The following WASL variants were observed in gnomAD, a reference collection of about 807,000 sequenced individuals.
The protein encoded by WASL is WASP like actin nucleation promoting factor, also known as actin nucleation-promoting factor WASL.
WASL carries 20 observed loss-of-function variants against 55.5 expected under a neutral mutation model. The ratio of observed to expected loss-of-function variants is 0.36; its 90% CI spans 0.25 to 0.52. The LOEUF (loss-of-function observed/expected upper bound fraction) is 0.52. WASL is among the 20% of genes least tolerant of loss of function. The pLI is 0.92. For missense variants in WASL, 504 were observed against 622.5 expected (o/e 0.81, Z 2.03); for synonymous variants, 249 against 217.6 (o/e 1.14, Z -1.27).
intron 2 of WASL, among the ~76,000 whole-genome samples, chr7:123,707,790 A>G (rs1286481805): frequency 6.6e-6 from 1 of 152,184 alleles, no homozygotes; most frequent in African/African-American, 2.4e-5. Context: ...CACCCCCCAG[A>G]ATCACTGCCA....
intron 5 of WASL, among the ~76,000 whole-genome samples, chr7:123,697,092 T>G (rs2116775289): frequency 6.6e-6 from 1 of 152,120 alleles, no homozygotes; most frequent in East Asian, 1.9e-4. Context: ...AACAGTAAAG[T>G]GAAACATATC....
intron 9 of WASL, among the ~76,000 whole-genome samples, 184 bp downstream of exon 9, chr7:123,692,163 A>G (rs1418014508): frequency 6.6e-6 from 1 of 152,252 alleles, no homozygotes; most frequent in Non-Finnish European, 1.5e-5. Context: ...ATAGAGATGT[A>G]TCAAAGCTGA....
intron 1 of WASL, among the ~76,000 whole-genome samples, chr7:123,733,923 A>C (rs1804183220): frequency 6.6e-6 from 1 of 151,844 alleles, no homozygotes; most frequent in Non-Finnish European, 1.5e-5. Flanking sequence ...CAAAAAAAAA[A>C]AAAAAAAAAA....
In WASL at chr7:123,748,820, GGGAGAAGT is replaced by G. The variant is rs1305296896; in HGVS notation, c.-94_-87del. Reference sequence around the variant, plus strand: ...GTTCCCCCTCTCGGTGACAGGGGCGGGGAGAAGTGGAGTCAGAGGCGCCACATCTCGCA... The same window carrying G: ...GTTCCCCCTCTCGGTGACAGGGGCGGGGAGTCAGAGGCGCCACATCTCGCA... On this transcript the variant is annotated 5_prime_UTR_variant, in exon 1 of 11. Coordinates refer to ENST00000223023, the MANE Select transcript of WASL (RefSeq NM_003941.4). The G allele has an allele frequency of 2.5e-6, 3 of 1,184,232 alleles. No homozygotes were observed. In the African/African-American group the frequency reaches 4.8e-5, roughly 19 times the overall value. The allele number at this position is 1,184,232 out of a possible 1,614,324, so 73.4% of individuals were successfully genotyped here.
Position 123,694,620 on chromosome 7 carries a change from G to A in WASL, c.826+95C>T, listed in dbSNP as rs1803464371. On this transcript the variant is annotated intron_variant, in intron 8 of 10. Coordinates refer to ENST00000223023, the MANE Select transcript of WASL (RefSeq NM_003941.4). Reference sequence around the variant, plus strand: ...CCATAGACTTCAACATTCTGCTCAAGGAAGGGTTCACATGTATGAATGTTA... The same window carrying A: ...CCATAGACTTCAACATTCTGCTCAAAGAAGGGTTCACATGTATGAATGTTA... 1.4e-5 allele frequency: 18 copies of A among 1,308,814 alleles called. No homozygotes were observed. The South Asian group carries it at 2.4e-4, about 17-fold the overall frequency. The allele number at this position is 1,308,814 out of a possible 1,614,324, so 81.1% of individuals were successfully genotyped here.
intron 5 of WASL, 138 bp downstream of exon 5, chr7:123,704,496 T>C: frequency 1.7e-6 from 1 of 589,916 alleles, no homozygotes; most frequent in Admixed American, 3.7e-5. Context: ...AAACATTACT[T>C]ACTAATGTAT....
At chr7:123,725,026 TAGTG>T (rs1804017943) in intron 1 of WASL, among the ~76,000 whole-genome samples, 1 of 151,636 alleles carries the variant, frequency 6.6e-6, no homozygotes, top group Non-Finnish European at 1.5e-5. Flanking sequence ...TAGAAGGAAG[TAGTG>T]AGAGTTCTGA....
intron 1 of WASL, among the ~76,000 whole-genome samples, chr7:123,733,090 C>T (rs1804167920): frequency 6.6e-6 from 1 of 152,162 alleles, no homozygotes; most frequent in African/African-American, 2.4e-5. Context: ...CTGTTCCTCC[C>T]CTAATACTGG....
At chr7:123,686,464 A>C (rs1163672121) in intron 10 of WASL, among the ~76,000 whole-genome samples, 1 of 152,108 alleles carries the variant, frequency 6.6e-6, no homozygotes, top group Non-Finnish European at 1.5e-5. Flanking sequence ...AGTAGCTAAT[A>C]ATTTCATCAT....
At chr7:123,740,970 A>G (rs530872225) in intron 1 of WASL, among the ~76,000 whole-genome samples, 3 of 152,134 alleles carry the variant, frequency 2.0e-5, no homozygotes, top group Non-Finnish European at 4.4e-5. Flanking sequence ...CCCCATGTCT[A>G]TTGGGTTCTC....
At position 123,725,417 on chromosome 7, in the gene WASL, A is replaced by G. The variant is rs894136313; in HGVS notation, c.118-16194T>C. On this transcript the variant is annotated intron_variant, in intron 1 of 10. Transcript: ENST00000223023. Reference sequence around the variant, plus strand: ...TAATTTGAAAACTGTAAAGCTATGTATGCAAAGATAAAAATTAAAACACAT... The same window carrying G: ...TAATTTGAAAACTGTAAAGCTATGTGTGCAAAGATAAAAATTAAAACACAT... Among the ~76,000 whole-genome samples the G allele has an allele frequency of 5.3e-5, 8 of 152,292 alleles. No individual in the cohort carries two copies. The East Asian group carries it at 1.5e-3, about 29-fold the overall frequency.
At chr7:123,736,433 T>C (rs1455717591) in intron 1 of WASL, among the ~76,000 whole-genome samples, 1 of 152,186 alleles carries the variant, frequency 6.6e-6, no homozygotes, top group African/African-American at 2.4e-5. Context: ...CTCTAAAAGA[T>C]AACTGAATCT....
chr7:123,700,205 A>AAAAAAC (rs1803562876), intron 5 of WASL, among the ~76,000 whole-genome samples: 1 of 66,048 alleles, frequency 1.5e-5, no homozygotes, highest in African/African-American at 5.4e-5. Flanking sequence ...AAAAAAAAAA[A>AAAAAAC]AACAACATTA....
intron 1 of WASL, among the ~76,000 whole-genome samples, chr7:123,734,632 T>G: frequency 6.7e-6 from 1 of 150,352 alleles, no homozygotes; most frequent in Non-Finnish European, 1.5e-5. Context: ...GTGATAGGAT[T>G]TCAGCAGGGA....
intron 1 of WASL, among the ~76,000 whole-genome samples, chr7:123,730,718 C>A (rs143152986): frequency 7.9e-5 from 12 of 152,132 alleles, no homozygotes; most frequent in Non-Finnish European, 1.2e-4. Flanking sequence ...TCTAAATACA[C>A]CAATTAAAAG....
At position 123,706,837 on chromosome 7, in the gene WASL, G is replaced by A. The variant is rs1309047507; in HGVS notation, c.253-11C>T. On this transcript the variant is annotated splice_polypyrimidine_tract_variant and intron_variant, in intron 2 of 10. Transcript: ENST00000223023. Reference sequence around the variant, plus strand: ...CAATAGTTTCCCATCCTAGAAAAAAGTTAAAAATTAAAATAAGAACTACCA... The same window carrying A: ...CAATAGTTTCCCATCCTAGAAAAAAATTAAAAATTAAAATAAGAACTACCA... The A allele has an allele frequency of 2.0e-6, 3 of 1,509,520 alleles. No homozygotes were observed. The highest frequency in any genetic ancestry group is 1.3e-5 in the South Asian group (1 of 75,070). 93.5% of individuals were successfully genotyped at this position (1,509,520 alleles called of 1,614,324 possible).
rs1320220367 is a variant in WASL, at chr7:123,748,995, G to C, written c.-261C>G. The C allele has an allele frequency of 6.0e-6, 3 of 499,224 alleles. No individual in the cohort carries two copies. The highest frequency in any genetic ancestry group is 1.1e-5 in the Non-Finnish European group (3 of 285,348). The allele number at this position is 499,224 out of a possible 1,614,324, so 30.9% of individuals were successfully genotyped here. ...CGGATGGTCGTTGTCCTCGCACTCCGGCGACTGCGCTAAACTCCCAACTCC... is the reference window on the plus strand; with the variant it reads ...CGGATGGTCGTTGTCCTCGCACTCCCGCGACTGCGCTAAACTCCCAACTCC... On this transcript the variant is annotated 5_prime_UTR_variant, in exon 1 of 11. Coordinates refer to ENST00000223023, the MANE Select transcript of WASL (RefSeq NM_003941.4).
chr7:123,741,689 G>A (rs1192328518), intron 1 of WASL, among the ~76,000 whole-genome samples: 1 of 152,074 alleles, frequency 6.6e-6, no homozygotes, highest in Non-Finnish European at 1.5e-5. Flanking sequence ...ATGGACAAAA[G>A]TGAAATACAT....
chr7:123,733,346 T>C lies in WASL; in HGVS notation c.117+15272A>G, dbSNP rs758030197. Among the ~76,000 whole-genome samples the C allele has an allele frequency of 4.9e-4, 75 of 152,314 alleles. 1 individual carries two copies. The highest frequency in any genetic ancestry group is 8.3e-4 in the South Asian group (4 of 4,832). Reference sequence around the variant, plus strand: ...TACAAGGTTAATATGCAAAGTCAACTGCTTTCCTGTGTACCAGGAATGACC... The same window carrying C: ...TACAAGGTTAATATGCAAAGTCAACCGCTTTCCTGTGTACCAGGAATGACC... On this transcript the variant is annotated intron_variant, in intron 1 of 10. Transcript: ENST00000223023.
Sources: gnomAD v4.1 joint callset for allele counts (sites outside exome capture counted in the v4.1 genomes callset) on GRCh38, gnomAD v4.1.1 for gene constraint, MANE v1.5 for transcripts, NCBI Gene and HGNC (gene_info 2026-07-23, HGNC 2026-07-21) for gene names.